Variants in AMZ1 observed in about 807,000 individuals in gnomAD.
AMZ1 encodes archaelysin family metallopeptidase 1.
A neutral mutation model predicts 29.9 loss-of-function variants in AMZ1; 39 were observed. The ratio of observed to expected loss-of-function variants is 1.30; its 90% CI spans 1.01 to 1.70. AMZ1 has a LOEUF of 1.70. Among genes scored for constraint, AMZ1 ranks in the 40% most tolerant of loss-of-function variants. AMZ1 has a pLI of 0.00. For synonymous variants in AMZ1, 458 were observed against 304.0 expected (o/e 1.51, Z -5.27); for missense variants, 1,041 against 680.6 (o/e 1.53, Z -5.89).
chr7:2,708,331 T>G (rs1196884584), intron 3 of AMZ1, among the ~76,000 whole-genome samples: 1 of 152,210 alleles, frequency 6.6e-6, no homozygotes, highest in Non-Finnish European at 1.5e-5. Context: ...TTGGCCCGGC[T>G]GCCTCTCCAG....
chr7:2,738,553 T>A (rs1790332052), intron 4 of AMZ1, among the ~76,000 whole-genome samples: 1 of 151,954 alleles, frequency 6.6e-6, no homozygotes, highest in Non-Finnish European at 1.5e-5. Flanking sequence ...CTAAAACCCA[T>A]ATTCTGCTTG....
At chr7:2,688,985 GT>G (rs1787220158) in intron 1 of AMZ1, among the ~76,000 whole-genome samples, 1 of 152,236 alleles carries the variant, frequency 6.6e-6, no homozygotes, top group Admixed American at 6.5e-5. Flanking sequence ...GGAGTTTGGG[GT>G]TCGCAGGTGA....
chr7:2,700,020 C>T (rs1787958025), intron 1 of AMZ1, among the ~76,000 whole-genome samples: 2 of 148,850 alleles, frequency 1.3e-5, no homozygotes, highest in African/African-American at 5.0e-5. Flanking sequence ...GCCCATGGGA[C>T]CCAACCTGCT....
At chr7:2,739,393 G>C (rs1427195281) in intron 4 of AMZ1, among the ~76,000 whole-genome samples, 2 of 152,306 alleles carry the variant, frequency 1.3e-5, no homozygotes, top group East Asian at 3.9e-4. Context: ...GCAGCCCTTT[G>C]TGTCTGGTTC....
intron 4 of AMZ1, among the ~76,000 whole-genome samples, chr7:2,733,229 C>A (rs1287510393): frequency 6.6e-6 from 1 of 152,170 alleles, no homozygotes; most frequent in Non-Finnish European, 1.5e-5. Flanking sequence ...CTGTCTGTCT[C>A]CTTTATGGTG....
intron 1 of AMZ1, among the ~76,000 whole-genome samples, chr7:2,697,253 C>T (rs1036322687): frequency 3.9e-5 from 6 of 152,070 alleles, no homozygotes; most frequent in South Asian, 2.1e-4. Flanking sequence ...CGTGTCACCA[C>T]GCCCGGCTAA....
downstream of AMZ1, among the ~76,000 whole-genome samples, chr7:2,722,703 G>A (rs1374203208): frequency 6.6e-6 from 1 of 152,246 alleles, no homozygotes; most frequent in African/African-American, 2.4e-5. Flanking sequence ...TGGGTGCAGC[G>A]ACTCATGCCT....
chr7:2,747,803 G>C (rs1336183062), intron 4 of AMZ1, among the ~76,000 whole-genome samples: 3 of 152,160 alleles, frequency 2.0e-5, no homozygotes, highest in Non-Finnish European at 4.4e-5. Context: ...ATCTCCTTAA[G>C]CTGATAAGCA....
chr7:2,710,493 C>A (rs752271633), intron 6 of AMZ1, among the ~76,000 whole-genome samples: 8 of 152,246 alleles, frequency 5.3e-5, no homozygotes, highest in Non-Finnish European at 1.2e-4. Flanking sequence ...GCATCCTCCT[C>A]CCGCCCGTTG....
rs1221805643 is a variant in AMZ1, at chr7:2,715,911, G to A, written c.*3033G>A. On this transcript the variant is annotated 3_prime_UTR_variant, in exon 7 of 7. Transcript: ENST00000683327. ...TGGTTTCCAAGACACACAGGGCCAC[G>A]GTTCTTTCAGTTTTTAAACACGTGC... 1.5e-5 allele frequency: 2 copies of A among 131,508 alleles called. No individual in the cohort carries two copies. The highest frequency in any genetic ancestry group is 6.3e-5 in the African/African-American group (2 of 31,724). The allele number at this position is 131,508 out of a possible 1,614,324, so 8.1% of individuals were successfully genotyped here. A position where few individuals can be genotyped will look rare whatever the true frequency, so the allele number is the denominator to read the frequency against.
chr7:2,724,234 T>A (rs935573199), downstream of AMZ1, among the ~76,000 whole-genome samples: 1 of 152,102 alleles, frequency 6.6e-6, no homozygotes, highest in Non-Finnish European at 1.5e-5. Context: ...TGGTCAGACT[T>A]TAACAGACGA....
chr7:2,685,062 A>G (rs544432902), upstream of AMZ1, among the ~76,000 whole-genome samples: 38 of 151,184 alleles, frequency 2.5e-4, no homozygotes, highest in South Asian at 4.2e-4. Context: ...GTAAAGATGG[A>G]GTTTCACTGT....
chr7:2,699,755 G>C (rs908697047), intron 1 of AMZ1, among the ~76,000 whole-genome samples: 8 of 152,186 alleles, frequency 5.3e-5, no homozygotes, highest in African/African-American at 1.9e-4. Flanking sequence ...ATCATGCCGT[G>C]GAGAGGAGCA....
At chr7:2,761,955 C>T (rs527535460), upstream of AMZ1, among the ~76,000 whole-genome samples, 16 of 152,272 alleles carry the variant, frequency 1.1e-4, no homozygotes, top group African/African-American at 3.4e-4. Context: ...GAGTGTCCAG[C>T]CGCCCACCAG....
At chr7:2,696,461 G>T (rs185570846) in intron 1 of AMZ1, among the ~76,000 whole-genome samples, 9 of 150,450 alleles carry the variant, frequency 6.0e-5, no homozygotes, top group South Asian at 2.1e-4. Context: ...GTTTCACCAT[G>T]TTAGCCAGGA....
intron 4 of AMZ1, among the ~76,000 whole-genome samples, chr7:2,747,428 C>T (rs149910235): frequency 0.031 from 4,684 of 152,256 alleles, 177 homozygotes; most frequent in African/African-American, 0.088. Context: ...AACCACATGA[C>T]TATCTCAGTA....
intron 4 of AMZ1, among the ~76,000 whole-genome samples, chr7:2,739,381 A>G (rs1790381873): frequency 6.6e-6 from 1 of 152,158 alleles, no homozygotes; most frequent in Non-Finnish European, 1.5e-5. Flanking sequence ...TTCACACAGC[A>G]TGCAGCCCTT....
In AMZ1 at chr7:2,716,070, A is replaced by G. The variant is rs1379634915; in HGVS notation, c.*3192A>G. The G allele has an allele frequency of 6.6e-6, 1 of 152,216 alleles. No individual in the cohort carries two copies. The highest frequency in any genetic ancestry group is 1.5e-5 in the Non-Finnish European group (1 of 68,048). 9.4% of individuals were successfully genotyped at this position (152,216 alleles called of 1,614,324 possible). On this transcript the variant is annotated 3_prime_UTR_variant, in exon 7 of 7. Transcript: ENST00000683327. Reference sequence around the variant, plus strand: ...TGGTAAGCCAAGTCAGCGGGGCCTCATGGAGCTAAAAATAGTTTCAGGTCA... The same window carrying G: ...TGGTAAGCCAAGTCAGCGGGGCCTCGTGGAGCTAAAAATAGTTTCAGGTCA...
chr7:2,702,739 G>A lies in AMZ1; in HGVS notation c.322G>A (p.Val108Met), dbSNP rs1264435511. 2.6e-6 allele frequency: 4 copies of A among 1,536,824 alleles called. No individual in the cohort carries two copies. The highest frequency in any genetic ancestry group is 3.5e-6 in the Non-Finnish European group (4 of 1,143,758). The change falls in exon 3 of 7, where the codon GTG becomes ATG. Residue 108 changes from valine (V) to methionine (M), a missense_variant. Physicochemically the swap from Val to Met is conservative, Grantham distance 21 (BLOSUM62 1). Transcript: ENST00000683327. ...LQPIDLSEEP[V>M]GSSLLHQLCS... ...CCCACCAGACCTGAGCGAGGAGCCG[G>A]TGGGAAGCTCCCTGCTGCACCAGCT...
Sources: allele counts gnomAD v4.1 joint callset (sites outside exome capture counted in the v4.1 genomes callset), GRCh38; gene constraint gnomAD v4.1.1; transcripts MANE v1.5; gene names NCBI Gene and HGNC (gene_info 2026-07-23, HGNC 2026-07-21).